The following DDX25 variants were observed in gnomAD, a reference collection of about 807,000 sequenced individuals.
DDX25 encodes the protein ATP-dependent RNA helicase DDX25.
Under a neutral mutation model 64.6 loss-of-function variants are expected in DDX25, and 70 were observed. The observed-to-expected ratio is 1.08, with a 90% CI of 0.89 to 1.32. The LOEUF is 1.32. DDX25 is among the 40% of genes most tolerant of loss of function. DDX25 has a pLI of 0.00. For synonymous variants in DDX25, 211 were observed against 213.3 expected (o/e 0.99, Z 0.09); for missense variants, 587 against 604.4 (o/e 0.97, Z 0.30).
rs1183046948 is a variant in DDX25, at chr11:125,925,490, C to T, written c.*2609C>T. ...CTGTCAGAGCTGTAAGCAATTTTCCCGTCTTCCTGCATGGCCTGGCCAAGG... is the reference window on the plus strand; with the variant it reads ...CTGTCAGAGCTGTAAGCAATTTTCCTGTCTTCCTGCATGGCCTGGCCAAGG... On this transcript the variant is annotated 3_prime_UTR_variant, in exon 12 of 12. Coordinates refer to ENST00000263576, the MANE Select transcript of DDX25 (RefSeq NM_013264.5). 5 of 456,062 alleles carry T rather than the reference C, an allele frequency of 1.1e-5. No individual in the cohort carries two copies. The highest frequency in any genetic ancestry group is 6.9e-5 in the East Asian group (1 of 14,408). The allele number at this position is 456,062 out of a possible 1,614,324, so 28.3% of individuals were successfully genotyped here.
upstream of DDX25, chr11:125,904,451 T>G: frequency 6.8e-6 from 9 of 1,324,168 alleles, no homozygotes; most frequent in South Asian, 1.9e-5. Flanking sequence ...GGCCAGCGGA[T>G]GGGGCCAGCA....
chr11:125,916,067 C>T (rs1421429089), intron 8 of DDX25, among the ~76,000 whole-genome samples: 2 of 152,134 alleles, frequency 1.3e-5, no homozygotes, highest in African/African-American at 4.8e-5. Flanking sequence ...GTTTGATGAT[C>T]GAGACCCTAG....
rs1945156868 is a variant in DDX25, at chr11:125,925,222, T to C, written c.*2341T>C. The C allele has an allele frequency of 2.8e-6, 1 of 352,330 alleles. No homozygotes were observed. Among genetic ancestry groups the C allele is most frequent in the Non-Finnish European group, 5.7e-6 (1 of 175,716 alleles). The allele number at this position is 352,330 out of a possible 1,614,324, so 21.8% of individuals were successfully genotyped here. Reference sequence around the variant, plus strand: ...TTACCACTTTCCTTTACAGTTCAAATCTCTGGTAAGATCTCCGCCAGTTAC... The same window carrying C: ...TTACCACTTTCCTTTACAGTTCAAACCTCTGGTAAGATCTCCGCCAGTTAC... On this transcript the variant is annotated 3_prime_UTR_variant, in exon 12 of 12. Transcript: ENST00000263576.
chr11:125,922,051 C>G (rs551879272), intron 11 of DDX25: 4 of 152,188 alleles, frequency 2.6e-5, no homozygotes, highest in Non-Finnish European at 5.9e-5. Context: ...CTTCAGTTCT[C>G]CTCTTTTACT....
rs1335711502 is a variant in DDX25 at position 125,916,901 on chromosome 11, A to G, written c.801-113A>G. On this transcript the variant is annotated intron_variant, in intron 8 of 11. Coordinates refer to ENST00000263576, the MANE Select transcript of DDX25 (RefSeq NM_013264.5). ...GGAGATACAGCTGGTCATTGCAGGCAGCACCTCACGTGGAACAGGGGTGCG... is the reference window on the plus strand; with the variant it reads ...GGAGATACAGCTGGTCATTGCAGGCGGCACCTCACGTGGAACAGGGGTGCG... 3 of 997,548 alleles carry G rather than the reference A, an allele frequency of 3.0e-6. No homozygotes were observed. The African/African-American group carries it at 4.8e-5, about 16-fold the overall frequency. The allele number at this position is 997,548 out of a possible 1,614,324, so 61.8% of individuals were successfully genotyped here.
intron 4 of DDX25, 112 bp downstream of exon 4, chr11:125,906,321 AT>A (rs34692223): frequency 2.4e-5 from 26 of 1,064,790 alleles, no homozygotes; most frequent in Middle Eastern, 2.8e-4. Flanking sequence ...GATATTCAAT[AT>A]TTTTTTTTGT....
At chr11:125,915,313 A>T (rs1186292592) in intron 8 of DDX25, among the ~76,000 whole-genome samples, 2 of 152,236 alleles carry the variant, frequency 1.3e-5, no homozygotes, top group Admixed American at 1.3e-4. Context: ...TAATAGCCAC[A>T]TCCAAAAAGA....
chr11:125,904,614 G>A (rs1284330012), intron 1 of DDX25, 34 bp downstream of exon 1: 2 of 1,430,620 alleles, frequency 1.4e-6, no homozygotes, highest in South Asian at 1.4e-5. Flanking sequence ...CCACAGCCGC[G>A]GGGGTGGAGC....
At position 125,925,480 on chromosome 11, in the gene DDX25, G is replaced by A; in HGVS notation, c.*2599G>A. ...GGTGCAGCTCCTGTCAGAGCTGTAA[G>A]CAATTTTCCCGTCTTCCTGCATGGC... On this transcript the variant is annotated 3_prime_UTR_variant, in exon 12 of 12. Transcript: ENST00000263576. 2.2e-6 allele frequency: 1 copy of A among 456,118 alleles called. No individual in the cohort carries two copies. 28.3% of individuals were successfully genotyped at this position (456,118 alleles called of 1,614,324 possible).
intron 8 of DDX25, among the ~76,000 whole-genome samples, chr11:125,913,782 G>A (rs1944997836): frequency 6.6e-6 from 1 of 151,494 alleles, no homozygotes. Context: ...CCACTTCTGG[G>A]AAAATTTCTT....
chr11:125,917,526 T>A (rs1945054449), intron 9 of DDX25, among the ~76,000 whole-genome samples: 3 of 152,248 alleles, frequency 2.0e-5, no homozygotes, highest in Admixed American at 2.0e-4. Flanking sequence ...AGCTTATGTT[T>A]ATTGTACCTT....
At chr11:125,907,486 T>C (rs1444434975) in intron 4 of DDX25, among the ~76,000 whole-genome samples, 1 of 151,930 alleles carries the variant, frequency 6.6e-6, no homozygotes, top group Non-Finnish European at 1.5e-5. Context: ...CGGGCGCCTG[T>C]AGTCCTAGCT....
rs10909379 is a variant in DDX25 at position 125,920,919 on chromosome 11, T to C, written c.1202-272T>C. ...GGCACCTCTCCACCACACACACACA[T>C]ACACACACACACACACACACACACA... On this transcript the variant is annotated intron_variant, in intron 10 of 11. Coordinates refer to ENST00000263576, the MANE Select transcript of DDX25 (RefSeq NM_013264.5). 249 of 265,216 alleles carry C rather than the reference T, an allele frequency of 9.4e-4. 1 individual carries two copies. The highest frequency in any genetic ancestry group is 1.2e-3 in the Middle Eastern group (1 of 810). The allele number at this position is 265,216 out of a possible 1,614,324, so 16.4% of individuals were successfully genotyped here.
chr11:125,923,077 A>G lies in DDX25; in HGVS notation c.*196A>G. The G allele has an allele frequency of 1.8e-6, 1 of 563,178 alleles. No homozygotes were observed. Among genetic ancestry groups the G allele is most frequent in the East Asian group, 2.9e-5 (1 of 34,668 alleles). The allele number at this position is 563,178 out of a possible 1,614,324, so 34.9% of individuals were successfully genotyped here. ...TGATGTGAAGCTTGTGATCCTTTTG[A>G]ATAAAAAAAAGGCAAGATTATTTCT... On this transcript the variant is annotated 3_prime_UTR_variant, in exon 12 of 12. Transcript: ENST00000263576.
At chr11:125,905,465 A>T in intron 2 of DDX25, 88 bp from the exon 3 acceptor site, 1 of 1,413,046 alleles carries the variant, frequency 7.1e-7, no homozygotes, top group Non-Finnish European at 9.7e-7. Context: ...GACACTGAAG[A>T]GTCAGGAAGA....
At chr11:125,910,500 C>G in intron 7 of DDX25, 22 bp downstream of exon 7, 1 of 1,608,782 alleles carries the variant, frequency 6.2e-7, no homozygotes, top group Admixed American at 1.7e-5. Flanking sequence ...TAAGCCAGTC[C>G]TGGCTGATTT....
chr11:125,910,437 G>C lies in DDX25; in HGVS notation c.581G>C (p.Cys194Ser), dbSNP rs767965778. 2.9e-5 allele frequency: 46 copies of C among 1,613,868 alleles called. No homozygotes were observed. Among genetic ancestry groups the C allele is most frequent in the Non-Finnish European group, 3.5e-5 (41 of 1,179,886 alleles). Reference sequence around the variant, plus strand: ...GTGGTTGAGCAGATGGGAAAATTCTGTGTGGATGTTCAAGTGATGTATGCC... The same window carrying C: ...GTGGTTGAGCAGATGGGAAAATTCTCTGTGGATGTTCAAGTGATGTATGCC... ...GRVVEQMGKF[C>S]VDVQVMYAIR... Residue 194 changes from cysteine to serine, a missense_variant, in exon 7 of 12, where the codon TGT (cysteine) becomes TCT (serine). Physicochemically the swap from Cys to Ser is moderately radical, Grantham distance 112. Transcript: ENST00000263576.
chr11:125,919,071 T>C (rs1391950225), intron 10 of DDX25, among the ~76,000 whole-genome samples: 2 of 152,154 alleles, frequency 1.3e-5, no homozygotes, highest in African/African-American at 4.8e-5. Flanking sequence ...TGTAACTTCC[T>C]CCACCTGACA....
chr11:125,913,737 A>AT (rs1294556188), intron 8 of DDX25, among the ~76,000 whole-genome samples: 1 of 152,036 alleles, frequency 6.6e-6, no homozygotes, highest in Non-Finnish European at 1.5e-5. Flanking sequence ...TACTAGACAC[A>AT]TACTGCACCC....
Sources: allele counts gnomAD v4.1 joint callset (sites outside exome capture counted in the v4.1 genomes callset), GRCh38; gene constraint gnomAD v4.1.1; transcripts MANE v1.5; gene names NCBI Gene and HGNC (gene_info 2026-07-23, HGNC 2026-07-21).